RARB: variants seen among roughly 807,000 people sequenced by gnomAD.
RARB encodes HBV-activated protein.
Under a neutral mutation model 51.9 loss-of-function variants are expected in RARB, and 17 were observed. The observed-to-expected ratio is 0.33, with a 90% CI of 0.22 to 0.49. The LOEUF (loss-of-function observed/expected upper bound fraction) is 0.49. RARB is among the 20% of genes least tolerant of loss of function. The pLI is 0.99. For missense variants in RARB, 369 were observed against 550.8 expected, an observed-to-expected ratio of 0.67 and a Z score of 3.30; for synonymous variants, 215 against 195.4, an observed-to-expected ratio of 1.10 and a Z score of -0.84.
intron 5 of RARB, among the ~76,000 whole-genome samples, chr3:25,333,886 T>G (rs1341212883): frequency 6.6e-6 from 1 of 152,166 alleles, no homozygotes; most frequent in Non-Finnish European, 1.5e-5. Flanking sequence ...CAGACACTTC[T>G]CAAAAGAAGA....
chr3:25,374,557 C>T (rs141474818), intron 5 of RARB, among the ~76,000 whole-genome samples: 16 of 152,226 alleles, frequency 1.1e-4, no homozygotes, highest in Non-Finnish European at 1.5e-4. Flanking sequence ...TAACAGAACA[C>T]AGCTCCCTGC....
At chr3:25,213,016 A>G (rs1701735998) in intron 5 of RARB, among the ~76,000 whole-genome samples, 1 of 152,176 alleles carries the variant, frequency 6.6e-6, no homozygotes, top group Non-Finnish European at 1.5e-5. Context: ...TTTTCTTCCA[A>G]ATTCGCGTAG....
Position 25,146,470 on chromosome 3 carries a change from C to T in RARB, c.-280+14262C>T, listed in dbSNP as rs550224147. ...AAAACACACAGGCTAGAGGACTCAGCCTGCAGGCTATAATTTGCTAAGTTT... is the reference window on the plus strand; with the variant it reads ...AAAACACACAGGCTAGAGGACTCAGTCTGCAGGCTATAATTTGCTAAGTTT... On this transcript the variant is annotated intron_variant, in intron 4 of 11. Transcript: ENST00000383772. Among the ~76,000 whole-genome samples, 150 of 151,646 alleles carry T rather than the reference C, an allele frequency of 9.9e-4. 2 individuals are homozygous for T. Among genetic ancestry groups the T allele is most frequent in the Non-Finnish European group, 1.2e-3 (80 of 67,904 alleles).
intron 5 of RARB, among the ~76,000 whole-genome samples, chr3:25,385,562 G>A (rs958686204): frequency 6.6e-6 from 1 of 152,074 alleles, no homozygotes; most frequent in Non-Finnish European, 1.5e-5. Context: ...CCCCTACCAC[G>A]AGGATCCTGG....
chr3:24,931,056 A>G (rs1278277486), intron 2 of RARB, among the ~76,000 whole-genome samples: 21 of 151,998 alleles, frequency 1.4e-4, no homozygotes, highest in Admixed American at 1.3e-3. Context: ...AAGTTAAGTG[A>G]TTTGTTCAAG....
chr3:25,557,137 T>A (rs1407006005), intron 3 of RARB, among the ~76,000 whole-genome samples: 7 of 145,348 alleles, frequency 4.8e-5, no homozygotes, highest in African/African-American at 1.6e-4. Flanking sequence ...GGCATTGCAT[T>A]CACACACACA....
chr3:24,830,530 C>T (rs778134044), intron 1 of RARB, among the ~76,000 whole-genome samples: 5 of 151,018 alleles, frequency 3.3e-5, no homozygotes, highest in Admixed American at 3.3e-4. Context: ...CCTTCCAGCT[C>T]TCAGCGCGGG....
At chr3:25,330,333 A>T (rs541254586) in intron 5 of RARB, among the ~76,000 whole-genome samples, 62 of 152,370 alleles carry the variant, frequency 4.1e-4, no homozygotes, top group African/African-American at 1.2e-3. Flanking sequence ...ACACTCTGCA[A>T]GCCAGAAGAG....
intron 5 of RARB, among the ~76,000 whole-genome samples, chr3:25,187,443 T>C (rs966671489): frequency 6.6e-6 from 1 of 152,122 alleles, no homozygotes; most frequent in African/African-American, 2.4e-5. Flanking sequence ...TAAGTATTCA[T>C]CTTCCAGTAT....
chr3:25,054,324 T>C (rs1456559337), intron 2 of RARB, among the ~76,000 whole-genome samples: 2 of 152,098 alleles, frequency 1.3e-5, no homozygotes, highest in Non-Finnish European at 2.9e-5. Context: ...CCTTAAGAAA[T>C]TGATTGTGTA....
At chr3:25,070,087 G>A (rs1023586107) in intron 3 of RARB, among the ~76,000 whole-genome samples, 33 of 152,172 alleles carry the variant, frequency 2.2e-4, no homozygotes, top group Non-Finnish European at 1.3e-4. Flanking sequence ...CTAGCTTCTG[G>A]TTTTTTGGCA....
chr3:25,148,833 C>G (rs1379482796), intron 4 of RARB, among the ~76,000 whole-genome samples: 2 of 152,164 alleles, frequency 1.3e-5, no homozygotes, highest in Non-Finnish European at 2.9e-5. Context: ...AAAGCCACAG[C>G]TTGGATGTCT....
At chr3:25,466,104 A>G (rs992477308) in intron 2 of RARB, among the ~76,000 whole-genome samples, 1 of 152,234 alleles carries the variant, frequency 6.6e-6, no homozygotes, top group Admixed American at 6.5e-5. Flanking sequence ...TGTTTTTACT[A>G]TGTATAAAGC....
chr3:24,977,639 TAAG>T (rs1559419135), intron 2 of RARB, among the ~76,000 whole-genome samples: 2 of 152,184 alleles, frequency 1.3e-5, no homozygotes. Context: ...CTTATCAGCT[TAAG>T]AAGATTTTGG....
intron 1 of RARB, among the ~76,000 whole-genome samples, chr3:25,449,720 A>C (rs1709104747): frequency 6.6e-6 from 1 of 151,966 alleles, no homozygotes; most frequent in African/African-American, 2.4e-5. Context: ...TCAAAAAGAA[A>C]TAGTAAAACT....
intron 2 of RARB, among the ~76,000 whole-genome samples, chr3:24,878,393 C>T (rs904514054): frequency 6.6e-6 from 1 of 151,368 alleles, no homozygotes; most frequent in African/African-American, 2.4e-5. Flanking sequence ...TTTCGTTTCT[C>T]TTATGTTTTA....
chr3:24,875,747 A>G (rs914305313), intron 2 of RARB, among the ~76,000 whole-genome samples: 4 of 152,140 alleles, frequency 2.6e-5, no homozygotes, highest in South Asian at 4.1e-4. Context: ...TAACATTAAT[A>G]TAATACTATT....
At position 25,521,852 on chromosome 3, in the gene RARB, T is replaced by C. The variant is rs538447413; in HGVS notation, c.448+20529T>C. Among the ~76,000 whole-genome samples, 25 of 152,266 alleles carry C rather than the reference T, an allele frequency of 1.6e-4. No individual in the cohort carries two copies. The South Asian group carries it at 4.6e-3, about 28-fold the overall frequency. On this transcript the variant is annotated intron_variant, in intron 3 of 7. Transcript: ENST00000330688. ...AATTAGAGTCAGTAAAACCTCTTCA[T>C]TGAAAATCATATTTGCTTCCAGGAC... is the stretch of plus-strand genomic sequence containing the variant.
chr3:25,392,405 T>G (rs1451959139), intron 5 of RARB, among the ~76,000 whole-genome samples: 2 of 152,032 alleles, frequency 1.3e-5, no homozygotes, highest in Non-Finnish European at 2.9e-5. Flanking sequence ...ATTTTAAGAT[T>G]GTATATTTTA....
Sources: gnomAD v4.1 joint callset for allele counts (sites outside exome capture counted in the v4.1 genomes callset) on GRCh38, gnomAD v4.1.1 for gene constraint, MANE v1.5 for transcripts, NCBI Gene and HGNC (gene_info 2026-07-23, HGNC 2026-07-21) for gene names.